ZFHX3: variants seen among roughly 807,000 people sequenced by gnomAD.
ZFHX3 encodes zinc finger homeobox protein 3.
A neutral mutation model predicts 279.1 loss-of-function variants in ZFHX3; 42 were observed. The observed-to-expected ratio is 0.15, with a 90% CI of 0.12 to 0.19. The LOEUF (loss-of-function observed/expected upper bound fraction) is 0.19. Among genes scored for constraint, ZFHX3 ranks in the 10% least tolerant of loss-of-function variants. ZFHX3 has a pLI of 1.00. For missense variants in ZFHX3, 4,981 were observed against 4,754.0 expected (o/e 1.05, Z -1.40); for synonymous variants, 2,293 against 1,957.8 (o/e 1.17, Z -4.52).
intron 3 of ZFHX3, among the ~76,000 whole-genome samples, chr16:72,920,455 G>A (rs1478041935): frequency 2.6e-5 from 4 of 151,188 alleles, no homozygotes; most frequent in South Asian, 2.1e-4. Context: ...CCAAGGCGGT[G>A]GATCACCTGA....
chr16:72,794,071 G>C lies in ZFHX3; in HGVS notation c.8611C>G (p.Pro2871Ala). ...IATETKSSSAPNEGLTKAAMM... is the reference protein window; with the variant it reads ...IATETKSSSAANEGLTKAAMM... ...GCCGCTTTGGTCAACCCTTCGTTGG[G>C]TGCAGAAGAGGATTTGGTTTCAGTT... The change falls in exon 9 of 10, where the codon CCC becomes GCC. Residue 2871 changes from proline to alanine, a missense_variant. Physicochemically the swap from Pro to Ala is conservative, Grantham distance 27. Coordinates refer to ENST00000268489, the MANE Select transcript of ZFHX3 (RefSeq NM_006885.4). This position sits in a 1 kb window ranked among gnomAD's most constrained non-coding sequence, Gnocchi z 4.2. 3.7e-6 allele frequency: 6 copies of C among 1,614,204 alleles called. No individual in the cohort carries two copies. The highest frequency in any genetic ancestry group is 4.2e-6 in the Non-Finnish European group (5 of 1,180,044).
chr16:73,480,065 C>T (rs1253150254), intron 2 of ZFHX3, among the ~76,000 whole-genome samples: 1 of 152,170 alleles, frequency 6.6e-6, no homozygotes, highest in African/African-American at 2.4e-5. Context: ...AGTTCATTCT[C>T]TCAATCTCTT....
At chr16:72,993,536 T>C (rs140190537) in intron 1 of ZFHX3, among the ~76,000 whole-genome samples, 71 of 152,186 alleles carry the variant, frequency 4.7e-4, no homozygotes, top group African/African-American at 1.3e-3. Context: ...AAAAAGAACA[T>C]TGTCAGACGA....
At chr16:73,018,425 G>C (rs951423851) in intron 1 of ZFHX3, among the ~76,000 whole-genome samples, 3 of 152,072 alleles carry the variant, frequency 2.0e-5, no homozygotes, top group Non-Finnish European at 2.9e-5. Flanking sequence ...GGCCAACATG[G>C]TGAAACCCCG....
intron 2 of ZFHX3, among the ~76,000 whole-genome samples, chr16:73,550,971 T>C (rs1488741107): frequency 6.6e-6 from 1 of 152,186 alleles, no homozygotes; most frequent in Non-Finnish European, 1.5e-5. Flanking sequence ...TGGAAATGAA[T>C]CTAAAGTACA....
intron 1 of ZFHX3, among the ~76,000 whole-genome samples, chr16:73,770,683 G>A (rs996133047): frequency 2.6e-5 from 4 of 152,184 alleles, no homozygotes; most frequent in Admixed American, 6.5e-5. Context: ...CCAAATAAGT[G>A]TAAATAGAAG....
chr16:72,945,539 A>G (rs951467808), intron 3 of ZFHX3, among the ~76,000 whole-genome samples: 1 of 152,176 alleles, frequency 6.6e-6, no homozygotes, highest in Non-Finnish European at 1.5e-5. Context: ...AAATCTGCTA[A>G]AATTCACCAA....
At chr16:73,414,021 T>A (rs941736325) in intron 3 of ZFHX3, among the ~76,000 whole-genome samples, 4 of 152,214 alleles carry the variant, frequency 2.6e-5, no homozygotes, top group African/African-American at 9.6e-5. Context: ...GTCCTGCAGT[T>A]AAAAACAAAA....
chr16:73,758,525 T>C (rs981616583), intron 1 of ZFHX3, among the ~76,000 whole-genome samples: 1 of 152,256 alleles, frequency 6.6e-6, no homozygotes, highest in Admixed American at 6.5e-5. Flanking sequence ...AAGACACACA[T>C]GGACACGGCC....
intron 5 of ZFHX3, among the ~76,000 whole-genome samples, chr16:73,254,443 G>T (rs1415948367): frequency 1.3e-5 from 2 of 151,896 alleles, no homozygotes; most frequent in African/African-American, 2.4e-5. Flanking sequence ...TCATGGAGGG[G>T]TTAGTAACTG....
chr16:73,314,590 T>G (rs916726988), intron 4 of ZFHX3, among the ~76,000 whole-genome samples: 1 of 152,084 alleles, frequency 6.6e-6, no homozygotes, highest in Non-Finnish European at 1.5e-5. Flanking sequence ...CTGCTGTGTG[T>G]GTTATGATCT....
intron 1 of ZFHX3, among the ~76,000 whole-genome samples, chr16:73,820,968 T>C (rs1960721810): frequency 6.6e-6 from 1 of 152,088 alleles, no homozygotes; most frequent in Admixed American, 6.5e-5. Context: ...CATGTCATTC[T>C]TGCAGTCAAC....
intron 5 of ZFHX3, among the ~76,000 whole-genome samples, chr16:73,159,493 A>T (rs1967174954): frequency 6.6e-6 from 1 of 152,040 alleles, no homozygotes; most frequent in Admixed American, 6.6e-5. Context: ...CCACCATGTG[A>T]AGAAGCTTGG....
At chr16:72,856,313 C>G (rs1038568601) in intron 4 of ZFHX3, among the ~76,000 whole-genome samples, 1 of 152,234 alleles carries the variant, frequency 6.6e-6, no homozygotes, top group Non-Finnish European at 1.5e-5. Flanking sequence ...CCATCAGTAA[C>G]ATCGTACTAC....
intron 5 of ZFHX3, among the ~76,000 whole-genome samples, chr16:73,159,435 A>T (rs1176291815): frequency 1.3e-5 from 2 of 152,158 alleles, no homozygotes; most frequent in Admixed American, 1.3e-4. Flanking sequence ...CTGGAAAAGT[A>T]TGTGTGCACC....
intron 3 of ZFHX3, among the ~76,000 whole-genome samples, chr16:72,898,257 G>T (rs963967634): frequency 6.6e-6 from 1 of 152,124 alleles, no homozygotes; most frequent in Non-Finnish European, 1.5e-5. Context: ...CCCCAACCAT[G>T]ATTTATAAGA....
intron 5 of ZFHX3, among the ~76,000 whole-genome samples, chr16:73,182,675 G>A (rs1967823722): frequency 6.6e-6 from 1 of 152,184 alleles, no homozygotes; most frequent in South Asian, 2.1e-4. Flanking sequence ...TAAAGAAAAT[G>A]TGTGTATATA....
intron 2 of ZFHX3, among the ~76,000 whole-genome samples, chr16:73,675,335 C>A (rs1020545690): frequency 6.6e-6 from 1 of 151,936 alleles, no homozygotes; most frequent in African/African-American, 2.4e-5. Context: ...TTTCCCAAAA[C>A]CTCCCTAAAT....
intron 2 of ZFHX3, among the ~76,000 whole-genome samples, chr16:73,603,764 A>G (rs2143867175): frequency 7.0e-6 from 1 of 142,218 alleles, no homozygotes; most frequent in South Asian, 2.2e-4. Context: ...ACTCAGGAAA[A>G]AAATACGCTT....
Sources: gnomAD v4.1 joint callset for allele counts (sites outside exome capture counted in the v4.1 genomes callset) on GRCh38, gnomAD v4.1.1 for gene constraint, Gnocchi (gnomAD v3.1) non-coding constraint, MANE v1.5 for transcripts, NCBI Gene and HGNC (gene_info 2026-07-23, HGNC 2026-07-21) for gene names.